The following TMEM132E variants were observed in gnomAD, a reference collection of about 807,000 sequenced individuals.
The protein encoded by TMEM132E is transmembrane protein 132E.
TMEM132E carries 49 observed loss-of-function variants against 78.5 expected under a neutral mutation model. The ratio of observed to expected loss-of-function variants is 0.62; its 90% confidence interval spans 0.50 to 0.79. The LOEUF is 0.79. TMEM132E is among the 30% of genes least tolerant of loss of function. The probability of loss-of-function intolerance (pLI) is 0.00; values close to 1 mark genes in which losing one functional copy is unlikely to be tolerated. For missense variants in TMEM132E, 1,403 were observed against 1,470.9 expected (o/e 0.95, Z 0.75); for synonymous variants, 715 against 670.6 (o/e 1.07, Z -1.02).
At chr17:34,631,931 T>C (rs1907360463) in intron 5 of TMEM132E, among the ~76,000 whole-genome samples, 1 of 152,228 alleles carries the variant, frequency 6.6e-6, no homozygotes. Context: ...CCTAAAGTAC[T>C]GGCAGTGACA....
intron 1 of TMEM132E, among the ~76,000 whole-genome samples, chr17:34,623,412 C>G (rs2338966): frequency 1.4e-5 from 2 of 147,296 alleles, no homozygotes; most frequent in Admixed American, 6.7e-5. Flanking sequence ...CCCCCCCCCC[C>G]CCCCGTCCCT....
rs1907144671 is a variant in TMEM132E at position 34,626,655 on chromosome 17, G to T, written c.596G>T (p.Trp199Leu). 7.0e-7 allele frequency: 1 copy of T among 1,425,130 alleles called. No homozygotes were observed. Among genetic ancestry groups the T allele is most frequent in the African/African-American group, 1.5e-5 (1 of 68,810 alleles). The allele number at this position is 1,425,130 out of a possible 1,614,324, so 88.3% of individuals were successfully genotyped here. Residue 199 changes from tryptophan (W) to leucine (L), a missense_variant, in exon 2 of 9, where the codon TGG (tryptophan) becomes TTG (leucine). By Grantham distance (61) the Trp-to-Leu change is moderately conservative (BLOSUM62 -2). Around this residue, in one of 3 missense-constraint regions of TMEM132E, gnomAD observed 511 missense variants for 499.0 expected, o/e 1.02. Transcript: ENST00000631683. The part of the protein sequence containing the change: ...CLVRAELPLA[W>L]FGPPAPAAPP... The stretch of plus-strand genomic sequence containing the variant: ...GTGCGGGCAGAGCTGCCCCTGGCCT[G>T]GTTCGGGCCCCCAGCCCCCGCTGCG...
chr17:34,635,118 G>T, intron 7 of TMEM132E, 31 bp downstream of exon 7: 1 of 1,562,552 alleles, frequency 6.4e-7, no homozygotes, highest in South Asian at 1.2e-5. Context: ...AGCACAAAGG[G>T]GCAGTGTCGG....
At position 34,613,197 on chromosome 17, in the gene TMEM132E, CCACA is replaced by C. The variant is rs56682554; in HGVS notation, c.68-12918_68-12915del. Among the ~76,000 whole-genome samples the C allele has an allele frequency of 8.6e-3, 1,122 of 131,142 alleles. 17 individuals carry two copies. The highest frequency in any genetic ancestry group is 0.029 in the African/African-American group (1,058 of 36,036). The allele number at this position is 131,142 out of a possible 152,430, so 86.0% of individuals were successfully genotyped here. A position where few individuals can be genotyped will look rare whatever the true frequency, so the allele number is the denominator to read the frequency against. Reference sequence around the variant, plus strand: ...TCTACACACACACACACACACACACCCACACACACACACACGCGCGCGCGCGCGC... The same window carrying C: ...TCTACACACACACACACACACACACCCACACACACACGCGCGCGCGCGCGC... On this transcript the variant is annotated intron_variant, in intron 1 of 8. Coordinates refer to ENST00000631683, the MANE Select transcript of TMEM132E (RefSeq NM_001304438.2).
intron 1 of TMEM132E, among the ~76,000 whole-genome samples, chr17:34,590,653 G>A (rs890607080): frequency 1.9e-4 from 29 of 152,240 alleles, no homozygotes; most frequent in African/African-American, 7.0e-4. Flanking sequence ...TCAGAGTCTT[G>A]GTGGGAGAGA....
rs985925824 is a variant in TMEM132E at position 34,607,640 on chromosome 17, T to C, written c.68-18487T>C. ...ACCCATTTCAGATGCCAGTTGCAAGTATTGAGTGCCCAGGTACCACACTTC... is the reference window on the plus strand; with the variant it reads ...ACCCATTTCAGATGCCAGTTGCAAGCATTGAGTGCCCAGGTACCACACTTC... On this transcript the variant is annotated intron_variant, in intron 1 of 8. Coordinates refer to ENST00000631683, the MANE Select transcript of TMEM132E (RefSeq NM_001304438.2). Among the ~76,000 whole-genome samples, 6 of 152,174 alleles carry C rather than the reference T, an allele frequency of 3.9e-5. No individual in the cohort carries two copies. In the East Asian group the frequency reaches 1.2e-3, roughly 29 times the overall value.
At chr17:34,618,764 G>A (rs1906862987) in intron 1 of TMEM132E, among the ~76,000 whole-genome samples, 1 of 152,176 alleles carries the variant, frequency 6.6e-6, no homozygotes, top group Admixed American at 6.5e-5. Context: ...TCTTTCTCAA[G>A]ACCCAGGTTT....
At chr17:34,620,339 G>A (rs1013413310) in intron 1 of TMEM132E, among the ~76,000 whole-genome samples, 1 of 152,246 alleles carries the variant, frequency 6.6e-6, no homozygotes, top group Non-Finnish European at 1.5e-5. Context: ...CTTTGTCCAA[G>A]ACACCAACTG....
At chr17:34,583,038 C>T (rs540303553) in intron 1 of TMEM132E, among the ~76,000 whole-genome samples, 2 of 152,360 alleles carry the variant, frequency 1.3e-5, no homozygotes, top group Admixed American at 1.3e-4. Flanking sequence ...TGGGCCTTAG[C>T]GTCCTGGCTG....
At chr17:34,607,146 C>T (rs1371786164) in intron 1 of TMEM132E, among the ~76,000 whole-genome samples, 1 of 152,208 alleles carries the variant, frequency 6.6e-6, no homozygotes, top group African/African-American at 2.4e-5. Context: ...AATTACTAAC[C>T]CATTTTTGGT....
chr17:34,629,915 G>T lies in TMEM132E; in HGVS notation c.1339-93G>T, dbSNP rs536190707. ...CTGGAAGGATGTGCATCTGAGGAGTGGGGGGGGAGCGTCCAGGAGCTGGGG... is the reference window on the plus strand; with the variant it reads ...CTGGAAGGATGTGCATCTGAGGAGTTGGGGGGGAGCGTCCAGGAGCTGGGG... On this transcript the variant is annotated intron_variant, in intron 4 of 8. Transcript: ENST00000631683. 5.9e-5 allele frequency: 72 copies of T among 1,226,720 alleles called. No homozygotes were observed. In the South Asian group the frequency reaches 6.4e-4, roughly 11 times the overall value. The allele number at this position is 1,226,720 out of a possible 1,614,324, so 76.0% of individuals were successfully genotyped here.
intron 1 of TMEM132E, among the ~76,000 whole-genome samples, chr17:34,619,157 G>A (rs532707537): frequency 2.0e-5 from 3 of 152,316 alleles, no homozygotes; most frequent in Middle Eastern, 3.4e-3. Flanking sequence ...TCTCACCACT[G>A]GCACTAATCA....
rs778729513 is a variant in TMEM132E, at chr17:34,581,081, C to A, written c.5C>A (p.Ala2Asp). M[A>D]PGMSGRGGAA... ...CCTCCCGCCCCCGCCTCGGCCATGG[C>A]CCCGGGGATGTCGGGCCGCGGCGGC... is the stretch of plus-strand genomic sequence containing the variant. The change falls in exon 1 of 9, where the codon GCC (alanine) becomes GAC (aspartate). Residue 2 changes from alanine (A) to aspartate (D), a missense_variant. Physicochemically the swap from Ala to Asp is moderately radical, Grantham distance 126. Coordinates refer to ENST00000631683, the MANE Select transcript of TMEM132E (RefSeq NM_001304438.2). The A allele has an allele frequency of 1.7e-5, 27 of 1,554,512 alleles. No individual in the cohort carries two copies. The highest frequency in any genetic ancestry group is 2.2e-5 in the Non-Finnish European group (26 of 1,157,112).
At position 34,596,557 on chromosome 17, in the gene TMEM132E, C is replaced by T. The variant is rs376544975; in HGVS notation, c.67+15414C>T. Among the ~76,000 whole-genome samples, 21 of 152,300 alleles carry T rather than the reference C, an allele frequency of 1.4e-4. No individual in the cohort carries two copies. In the East Asian group the frequency reaches 3.9e-3, roughly 28 times the overall value. ...GTGCCCCAGTCACAAAAAAGGGAAA[C>T]TGAGGCAGGGAATGGCTGACTCATT... On this transcript the variant is annotated intron_variant, in intron 1 of 8. Transcript: ENST00000631683.
At chr17:34,620,991 G>A (rs529640179) in intron 1 of TMEM132E, among the ~76,000 whole-genome samples, 9 of 152,308 alleles carry the variant, frequency 5.9e-5, no homozygotes, top group South Asian at 4.1e-4. Context: ...AGGGTCCCTC[G>A]CTAAGCACAG....
chr17:34,591,919 C>T (rs920572001), intron 1 of TMEM132E, among the ~76,000 whole-genome samples: 2 of 152,208 alleles, frequency 1.3e-5, no homozygotes, highest in African/African-American at 4.8e-5. Flanking sequence ...GCTGGGCTGC[C>T]GCATGAATGA....
chr17:34,617,259 T>A (rs1906814480), intron 1 of TMEM132E, among the ~76,000 whole-genome samples: 1 of 152,238 alleles, frequency 6.6e-6, no homozygotes, highest in South Asian at 2.1e-4. Flanking sequence ...ACGCAGCAGA[T>A]CAGTGACAGA....
chr17:34,632,089 T>C (rs541155084), intron 5 of TMEM132E, among the ~76,000 whole-genome samples: 101 of 152,330 alleles, frequency 6.6e-4, no homozygotes, highest in African/African-American at 2.3e-3. Context: ...TTCACCCGTC[T>C]GTGCTTGGGG....
chr17:34,615,598 C>G (rs978696740), intron 1 of TMEM132E, among the ~76,000 whole-genome samples: 1 of 151,574 alleles, frequency 6.6e-6, no homozygotes. Flanking sequence ...CCTTCACTCA[C>G]TCATTCACTC....
Sources: gnomAD v4.1 joint callset for allele counts (sites outside exome capture counted in the v4.1 genomes callset) on GRCh38, gnomAD v4.1.1 for gene constraint, gnomAD v4.1.1 regional missense constraint, MANE v1.5 for transcripts, NCBI Gene and HGNC (gene_info 2026-07-23, HGNC 2026-07-21) for gene names.